Variants in AK9 observed in about 807,000 individuals in gnomAD.
AK9 encodes the protein adenylate kinase domain containing 1.
AK9 carries 191 observed loss-of-function variants against 239.6 expected under a neutral mutation model. The observed-to-expected ratio is 0.80, with a 90% CI of 0.71 to 0.90. The LOEUF (loss-of-function observed/expected upper bound fraction) is 0.90, where lower values mean the gene tolerates loss of function less well. Among genes scored for constraint, AK9 ranks in the 40% least tolerant of loss-of-function variants. AK9 has a pLI of 0.00. For synonymous variants in AK9, 689 were observed against 721.0 expected, an observed-to-expected ratio of 0.96 and a Z score of 0.71; for missense variants, 1,995 against 2,214.7, an observed-to-expected ratio of 0.90 and a Z score of 1.99.
At chr6:109,567,360 C>G (rs1786702983) in intron 21 of AK9, among the ~76,000 whole-genome samples, 1 of 152,076 alleles carries the variant, frequency 6.6e-6, no homozygotes, top group South Asian at 2.1e-4. Context: ...GACACATACA[C>G]CCTCCCAAGA....
intron 20 of AK9, 86 bp downstream of exon 20, chr6:109,579,464 C>G: frequency 7.7e-7 from 1 of 1,299,924 alleles, no homozygotes; most frequent in Non-Finnish European, 1.1e-6. Flanking sequence ...AATGTGATCA[C>G]CCAGTCTATA....
intron 17 of AK9, among the ~76,000 whole-genome samples, chr6:109,599,525 C>A (rs532207291): frequency 2.3e-4 from 35 of 152,252 alleles, no homozygotes; most frequent in Admixed American, 8.5e-4. Context: ...TCCAGCTTTG[C>A]TCCTTTGGCT....
At position 109,662,535 on chromosome 6, in the gene AK9, CAATT is replaced by C. The variant is rs774102389; in HGVS notation, c.444+12_444+15del. The C allele has an allele frequency of 4.0e-6, 6 of 1,487,914 alleles. No individual in the cohort carries two copies. The highest frequency in any genetic ancestry group is 2.5e-5 in the East Asian group (1 of 39,888). 92.2% of individuals were successfully genotyped at this position (1,487,914 alleles called of 1,614,324 possible). The stretch of plus-strand genomic sequence containing the variant: ...AGAATGGTTTACTCTACTAGCAAAA[CAATT>C]AATATCCTTACCTTTATATTGATTA... On this transcript the variant is annotated intron_variant, in intron 6 of 40. Coordinates refer to ENST00000424296, the MANE Select transcript of AK9 (RefSeq NM_001145128.3).
intron 35 of AK9, among the ~76,000 whole-genome samples, chr6:109,501,668 A>C (rs2128100569): frequency 6.6e-6 from 1 of 152,362 alleles, no homozygotes; most frequent in African/African-American, 2.4e-5. Flanking sequence ...TAAACTGATA[A>C]AGTGACAGTA....
chr6:109,571,143 C>A lies in AK9; in HGVS notation c.2344+2299G>T, dbSNP rs546717334. ...TTAAAAAGTTGCTCAAAGATGTAGA[C>A]CAGATGACTAAGAGATGAATCAAAA... On this transcript the variant is annotated intron_variant, in intron 21 of 40. Coordinates refer to ENST00000424296, the MANE Select transcript of AK9 (RefSeq NM_001145128.3). Among the ~76,000 whole-genome samples the A allele has an allele frequency of 6.6e-5, 10 of 152,170 alleles. No homozygotes were observed. The South Asian group carries it at 2.1e-3, about 32-fold the overall frequency.
At chr6:109,588,243 G>A (rs1194370514) in intron 17 of AK9, among the ~76,000 whole-genome samples, 1 of 152,026 alleles carries the variant, frequency 6.6e-6, no homozygotes, top group African/African-American at 2.4e-5. Flanking sequence ...GCTAATTTTT[G>A]TATTTTTAGT....
chr6:109,496,838 G>A (rs559920235), intron 38 of AK9, among the ~76,000 whole-genome samples: 1 of 152,110 alleles, frequency 6.6e-6, no homozygotes, highest in Non-Finnish European at 1.5e-5. Flanking sequence ...TCTGACCCCA[G>A]AGCAAATTTG....
intron 17 of AK9, among the ~76,000 whole-genome samples, chr6:109,593,992 A>T (rs950319780): frequency 1.1e-4 from 16 of 152,212 alleles, no homozygotes; most frequent in Non-Finnish European, 2.1e-4. Flanking sequence ...CCTATTCAAC[A>T]TAGTATTAGA....
intron 12 of AK9, among the ~76,000 whole-genome samples, chr6:109,624,037 T>C (rs1309228630): frequency 3.9e-5 from 6 of 152,054 alleles, no homozygotes; most frequent in Middle Eastern, 3.2e-3. Flanking sequence ...TTCATATTTC[T>C]GTTCCTGCAG....
At position 109,550,307 on chromosome 6, in the gene AK9, A is replaced by G. The variant is rs778904003; in HGVS notation, c.2752-5T>C. On this transcript the variant is annotated splice_polypyrimidine_tract_variant and splice_region_variant and intron_variant, in intron 24 of 40. Transcript: ENST00000424296. ...CTCCTTCATTTTATCTTCACCCTAG[A>G]AACGGTATTCAAAGTTTGGAGAACA... The G allele has an allele frequency of 6.2e-7, 1 of 1,601,584 alleles. No individual in the cohort carries two copies. The highest frequency in any genetic ancestry group is 8.5e-7 in the Non-Finnish European group (1 of 1,177,916).
At chr6:109,659,512 A>T (rs2128315506) in intron 6 of AK9, 99 bp from the exon 7 acceptor site, 1 of 1,385,576 alleles carries the variant, frequency 7.2e-7, no homozygotes, top group African/African-American at 1.5e-5. Flanking sequence ...AAACCAAAAA[A>T]TTCCTTTAAA....
Position 109,610,513 on chromosome 6 carries a change from G to T in AK9, c.1694C>A (p.Ala565Asp). The T allele has an allele frequency of 1.3e-6, 2 of 1,549,310 alleles. No individual in the cohort carries two copies. Among genetic ancestry groups the T allele is most frequent in the South Asian group, 2.4e-5 (2 of 83,678 alleles). The stretch of plus-strand genomic sequence containing the variant: ...CTCTTCTATCAAGTCTTCTGTTGGG[G>T]CTAAAGTAAAATAAGCTGATAAATT... ...SQDVKLYSDT[A>D]PTEDLIEEVT... Residue 565 changes from alanine to aspartate, a missense_variant and splice_region_variant, in exon 17 of 41, where the codon GCC becomes GAC. This residue lies in a region of AK9 where 1,290 missense variants were observed against 1,392.7 expected (regional missense o/e 0.93). Transcript: ENST00000424296.
At chr6:109,562,717 AG>A (rs1196247593) in intron 24 of AK9, among the ~76,000 whole-genome samples, 4 of 151,314 alleles carry the variant, frequency 2.6e-5, no homozygotes, top group Admixed American at 6.6e-5. Flanking sequence ...GGCTCTTGTT[AG>A]TACCCTACCC....
intron 21 of AK9, among the ~76,000 whole-genome samples, chr6:109,566,572 T>G (rs1786547444): frequency 1.3e-5 from 2 of 152,110 alleles, no homozygotes; most frequent in African/African-American, 4.8e-5. Flanking sequence ...GAAGGGTAAC[T>G]GAAATAAGAA....
chr6:109,594,223 T>C (rs9487162), intron 17 of AK9, among the ~76,000 whole-genome samples: 3,083 of 152,080 alleles, frequency 0.02, 116 homozygotes, highest in African/African-American at 0.069. Flanking sequence ...ACACCAATAA[T>C]AGACAAACAG....
At chr6:109,530,575 T>C (rs1339160146) in intron 28 of AK9, among the ~76,000 whole-genome samples, 2 of 152,196 alleles carry the variant, frequency 1.3e-5, no homozygotes, top group East Asian at 1.9e-4. Context: ...CTATACACAA[T>C]AGCACTCATA....
intron 12 of AK9, chr6:109,632,048 G>T: frequency 1.7e-6 from 1 of 579,054 alleles, no homozygotes; most frequent in Non-Finnish European, 2.2e-6. Flanking sequence ...GTATTGAGAA[G>T]AAACATGAGA....
chr6:109,647,764 A>T (rs953511057), intron 8 of AK9, among the ~76,000 whole-genome samples: 1 of 149,686 alleles, frequency 6.7e-6, no homozygotes, highest in Non-Finnish European at 1.5e-5. Flanking sequence ...AGAACTCTCC[A>T]CCCCAAATCA....
In AK9 at chr6:109,531,269, A is replaced by G. The variant is rs77051723; in HGVS notation, c.3570+1982T>C. On this transcript the variant is annotated intron_variant, in intron 28 of 40. Transcript: ENST00000424296. ...CAGAAGGATGGTCTGGAAGGCAGAG[A>G]GATGAAGCCAGGGAGGACAATTAGG... Among the ~76,000 whole-genome samples the G allele has an allele frequency of 6.6e-3, 1,002 of 152,212 alleles. 8 individuals carry two copies. The highest frequency in any genetic ancestry group is 7.8e-3 in the Non-Finnish European group (531 of 68,012).
Sources: gnomAD v4.1 joint callset for allele counts (sites outside exome capture counted in the v4.1 genomes callset) on GRCh38, gnomAD v4.1.1 for gene constraint, gnomAD v4.1.1 regional missense constraint, MANE v1.5 for transcripts, NCBI Gene and HGNC (gene_info 2026-07-23, HGNC 2026-07-21) for gene names.